The following DENND1A variants were observed in gnomAD, a reference collection of about 807,000 sequenced individuals.
DENND1A encodes DENN domain containing 1A.
Under a neutral mutation model 113.7 loss-of-function variants are expected in DENND1A, and 51 were observed. That is an observed-to-expected ratio of 0.45 (90% CI 0.36 to 0.57). The LOEUF (loss-of-function observed/expected upper bound fraction) is 0.57. Among genes scored for constraint, DENND1A ranks in the 20% least tolerant of loss-of-function variants. The pLI is 0.00. For missense variants in DENND1A, 1,258 were observed against 1,395.9 expected (o/e 0.90, Z 1.57); for synonymous variants, 565 against 570.8 (o/e 0.99, Z 0.14).
chr9:123,838,681 T>A (rs1841403098), intron 2 of DENND1A, among the ~76,000 whole-genome samples: 1 of 152,220 alleles, frequency 6.6e-6, no homozygotes, highest in Non-Finnish European at 1.5e-5. Flanking sequence ...AAAGAAAACC[T>A]AACAAAGAAA....
In DENND1A at chr9:123,681,498, G is replaced by C. The variant is rs531124702; in HGVS notation, c.303-4709C>G. Among the ~76,000 whole-genome samples the C allele has an allele frequency of 2.0e-5, 3 of 152,188 alleles. No individual in the cohort carries two copies. The South Asian group carries it at 6.2e-4, about 32-fold the overall frequency. On this transcript the variant is annotated intron_variant, in intron 5 of 23. Transcript: ENST00000394215. The stretch of plus-strand genomic sequence containing the variant: ...TGTGTAGGAAGGGGGCTGCAGCAGA[G>C]GGCCACTGGTTACAAACAAGGAACA...
chr9:123,753,503 C>T (rs1252933596), intron 5 of DENND1A, among the ~76,000 whole-genome samples: 1 of 152,238 alleles, frequency 6.6e-6, no homozygotes, highest in Non-Finnish European at 1.5e-5. Context: ...TCTCTTACAA[C>T]TAGCATGAAA....
chr9:123,570,910 C>T (rs1435031820), intron 12 of DENND1A, among the ~76,000 whole-genome samples: 1 of 152,108 alleles, frequency 6.6e-6, no homozygotes, highest in Non-Finnish European at 1.5e-5. Flanking sequence ...TTGAGATAAA[C>T]ATGAAGTCTG....
intron 5 of DENND1A, among the ~76,000 whole-genome samples, chr9:123,698,606 G>C (rs1303512396): frequency 6.6e-6 from 1 of 152,200 alleles, no homozygotes; most frequent in Non-Finnish European, 1.5e-5. Context: ...GACTACTAAA[G>C]TTGTTTCTCC....
intron 11 of DENND1A, among the ~76,000 whole-genome samples, chr9:123,593,058 T>C (rs945126224): frequency 6.6e-6 from 1 of 152,184 alleles, no homozygotes; most frequent in Non-Finnish European, 1.5e-5. Flanking sequence ...GAAAATGTGT[T>C]TGTGAAGGCA....
At chr9:123,467,119 T>C (rs1473195560) in intron 13 of DENND1A, among the ~76,000 whole-genome samples, 1 of 152,212 alleles carries the variant, frequency 6.6e-6, no homozygotes, top group Non-Finnish European at 1.5e-5. Context: ...GCCTTCTTTC[T>C]GTATTTGAAG....
intron 20 of DENND1A, among the ~76,000 whole-genome samples, chr9:123,404,016 C>T (rs1472013044): frequency 6.6e-6 from 1 of 152,194 alleles, no homozygotes; most frequent in Non-Finnish European, 1.5e-5. Flanking sequence ...CACTACAAAT[C>T]GTCTTTCTGC....
In DENND1A at chr9:123,381,264, A is replaced by G; in HGVS notation, c.*168T>C. The G allele has an allele frequency of 1.5e-6, 1 of 667,074 alleles. No individual in the cohort carries two copies. Among genetic ancestry groups the G allele is most frequent in the Non-Finnish European group, 2.5e-6 (1 of 397,142 alleles). 41.3% of individuals were successfully genotyped at this position (667,074 alleles called of 1,614,324 possible). ...GGAACTGGTGCCATTCCCCAGGGCC[A>G]GACATCAGAGATGGGCAGTGTGGAG... On this transcript the variant is annotated 3_prime_UTR_variant, in exon 24 of 24. Transcript: ENST00000394215. This position sits in a 1 kb window ranked among gnomAD's most constrained non-coding sequence, Gnocchi z 4.7.
At chr9:123,698,941 C>T (rs547421167) in intron 5 of DENND1A, among the ~76,000 whole-genome samples, 10 of 152,238 alleles carry the variant, frequency 6.6e-5, no homozygotes, top group Middle Eastern at 3.4e-3. Context: ...TCAGAATTTA[C>T]GGTGGCAAAA....
At chr9:123,714,380 T>A (rs2066834365) in intron 5 of DENND1A, among the ~76,000 whole-genome samples, 2 of 152,138 alleles carry the variant, frequency 1.3e-5, no homozygotes, top group South Asian at 4.1e-4. Context: ...GTTGGGTGGA[T>A]CACTTAAGGT....
At chr9:123,645,250 G>A (rs2062253911) in intron 9 of DENND1A, among the ~76,000 whole-genome samples, 1 of 152,112 alleles carries the variant, frequency 6.6e-6, no homozygotes. Flanking sequence ...TCGAGTGCTA[G>A]ACAGCTTTTA....
At chr9:123,748,160 GA>G (rs1443146169) in intron 5 of DENND1A, among the ~76,000 whole-genome samples, 2 of 152,052 alleles carry the variant, frequency 1.3e-5, no homozygotes, top group East Asian at 3.9e-4. Flanking sequence ...ACACTCTCAG[GA>G]AAGAATATTT....
At chr9:123,740,269 C>T (rs2131061396) in intron 5 of DENND1A, among the ~76,000 whole-genome samples, 1 of 152,254 alleles carries the variant, frequency 6.6e-6, no homozygotes, top group Admixed American at 6.5e-5. Flanking sequence ...CTGAGATTAT[C>T]TTTTTGTCAA....
intron 19 of DENND1A, chr9:123,414,508 A>G (rs1415338921): frequency 6.5e-7 from 1 of 1,545,354 alleles, no homozygotes; most frequent in Non-Finnish European, 8.7e-7. Flanking sequence ...CATTGTGTGA[A>G]GGGAAAAAAG....
At chr9:123,815,822 G>A (rs1353330105) in intron 2 of DENND1A, among the ~76,000 whole-genome samples, 6 of 151,900 alleles carry the variant, frequency 3.9e-5, no homozygotes, top group Non-Finnish European at 8.8e-5. Flanking sequence ...AAACGTGTCC[G>A]TAATTTTGTA....
chr9:123,492,198 G>A (rs2051435088), intron 13 of DENND1A: 1 of 152,460 alleles, frequency 6.6e-6, no homozygotes, highest in Admixed American at 6.5e-5. Context: ...CCTCATGGGA[G>A]AGACAGACAG....
At chr9:123,776,892 T>C (rs1830555325) in intron 3 of DENND1A, among the ~76,000 whole-genome samples, 1 of 152,196 alleles carries the variant, frequency 6.6e-6, no homozygotes, top group Non-Finnish European at 1.5e-5. Context: ...GCACGCTACA[T>C]AAATATTCAG....
chr9:123,909,288 T>C (rs1001407999), intron 1 of DENND1A, among the ~76,000 whole-genome samples: 20 of 151,710 alleles, frequency 1.3e-4, no homozygotes, highest in Admixed American at 9.9e-4. Flanking sequence ...GCATGGCACA[T>C]GTATACATAT....
intron 13 of DENND1A, among the ~76,000 whole-genome samples, chr9:123,533,765 T>A (rs2055516884): frequency 1.3e-5 from 2 of 152,304 alleles, no homozygotes; most frequent in South Asian, 4.1e-4. Flanking sequence ...CAGTAAAGGG[T>A]AAGGGCTGTG....
Sources: allele counts gnomAD v4.1 joint callset (sites outside exome capture counted in the v4.1 genomes callset), GRCh38; gene constraint gnomAD v4.1.1; non-coding constraint Gnocchi (gnomAD v3.1); transcripts MANE v1.5; gene names NCBI Gene and HGNC (gene_info 2026-07-23, HGNC 2026-07-21).